R3HDM2: variants seen among roughly 807,000 people sequenced by gnomAD.
R3HDM2 encodes the protein R3H domain containing 2, also known as R3H domain-containing protein 2.
A neutral mutation model predicts 124.5 loss-of-function variants in R3HDM2; 38 were observed. The observed-to-expected ratio is 0.31, with a 90% CI of 0.24 to 0.40. The LOEUF is 0.40. Among genes scored for constraint, R3HDM2 ranks in the 10% least tolerant of loss-of-function variants. R3HDM2 has a pLI of 1.00. For synonymous variants in R3HDM2, 391 were observed against 448.0 expected, an observed-to-expected ratio of 0.87 and a Z score of 1.61; for missense variants, 869 against 1,236.9, an observed-to-expected ratio of 0.70 and a Z score of 4.46.
In R3HDM2 at chr12:57,356,879, G is replaced by A. The variant is rs141795044; in HGVS notation, c.-36+38870C>T. 2.1e-3 allele frequency among the ~76,000 whole-genome samples: 323 copies of A among 150,724 alleles called. 9 individuals carry two copies. The East Asian group carries it at 0.051, about 24-fold the overall frequency. On this transcript the variant is annotated intron_variant, in intron 2 of 23. Coordinates refer to ENST00000402412, the MANE Select transcript of R3HDM2 (RefSeq NM_001394031.1). ...TAATCCGGCTTTGGGAGGCCGAGGC[G>A]GGCGAATCGCGAGGTCAGGAAATCG...
intron 2 of R3HDM2, among the ~76,000 whole-genome samples, chr12:57,344,684 A>AT (rs1171917242): frequency 6.6e-6 from 1 of 152,246 alleles, no homozygotes; most frequent in Non-Finnish European, 1.5e-5. Context: ...CAACCAGAAC[A>AT]TAAAAACTCA....
intron 2 of R3HDM2, among the ~76,000 whole-genome samples, chr12:57,351,176 A>G (rs1262890277): frequency 6.6e-6 from 1 of 152,150 alleles, no homozygotes; most frequent in Non-Finnish European, 1.5e-5. Context: ...CTGACGTGGA[A>G]GGACTGCTTG....
At chr12:57,323,369 T>A (rs1393574425) in intron 2 of R3HDM2, among the ~76,000 whole-genome samples, 1 of 152,110 alleles carries the variant, frequency 6.6e-6, no homozygotes, top group African/African-American at 2.4e-5. Context: ...GGGAATAGAG[T>A]GTAAAGTACT....
chr12:57,284,779 C>G (rs2138087425), intron 12 of R3HDM2, among the ~76,000 whole-genome samples: 1 of 152,306 alleles, frequency 6.6e-6, no homozygotes, highest in South Asian at 2.1e-4. Flanking sequence ...TTGACTGTGC[C>G]TAGTTGCCTT....
intron 2 of R3HDM2, among the ~76,000 whole-genome samples, chr12:57,354,268 T>C (rs932261830): frequency 6.6e-6 from 1 of 152,036 alleles, no homozygotes; most frequent in African/African-American, 2.4e-5. Flanking sequence ...ACATTTGGTA[T>C]GGCCAGACTT....
chr12:57,398,050 T>C (rs7974833), intron 1 of R3HDM2, among the ~76,000 whole-genome samples: 30,773 of 147,056 alleles, frequency 0.21, 3,401 homozygotes, highest in Admixed American at 0.29. Context: ...GGCATGGTGG[T>C]GGGCACCTGT....
chr12:57,319,356 C>T (rs761134171), intron 2 of R3HDM2, among the ~76,000 whole-genome samples: 8 of 152,050 alleles, frequency 5.3e-5, no homozygotes, highest in Non-Finnish European at 1.2e-4. Flanking sequence ...TTTTCTACAA[C>T]CGTAGTCTTC....
chr12:57,383,924 ATTATG>A (rs1383355260), intron 2 of R3HDM2, among the ~76,000 whole-genome samples: 3 of 152,134 alleles, frequency 2.0e-5, no homozygotes, highest in Non-Finnish European at 4.4e-5. Context: ...TAAAAACTGT[ATTATG>A]TTAAGGGCTA....
intron 1 of R3HDM2, among the ~76,000 whole-genome samples, chr12:57,398,215 AAAAG>A (rs1234140978): frequency 6.6e-6 from 1 of 151,990 alleles, no homozygotes; most frequent in Non-Finnish European, 1.5e-5. Flanking sequence ...CAAAAAAAAA[AAAAG>A]AAAAAGAAAA....
At chr12:57,293,275 G>A (rs368670498) in intron 10 of R3HDM2, among the ~76,000 whole-genome samples, 1 of 152,066 alleles carries the variant, frequency 6.6e-6, no homozygotes, top group Non-Finnish European at 1.5e-5. Flanking sequence ...TTAACTGGAG[G>A]TGGGGAAGGG....
intron 2 of R3HDM2, among the ~76,000 whole-genome samples, chr12:57,319,441 C>T (rs73121803): frequency 0.026 from 3,943 of 152,116 alleles, 69 homozygotes; most frequent in Non-Finnish European, 0.038. Flanking sequence ...AAGGGAAAGT[C>T]TTCACCTCCA....
chr12:57,360,028 C>T (rs527850252), intron 2 of R3HDM2, among the ~76,000 whole-genome samples: 24,301 of 92,148 alleles, frequency 0.26, 3,146 homozygotes, highest in South Asian at 0.48. Context: ...TATATACACA[C>T]ATATATATAT....
chr12:57,415,293 G>C (rs977316555), intron 1 of R3HDM2: 2 of 152,146 alleles, frequency 1.3e-5, no homozygotes, highest in Non-Finnish European at 2.9e-5. Flanking sequence ...CAAAGCACCA[G>C]TGGTGCTCGC....
chr12:57,289,822 T>G (rs1172473086), intron 11 of R3HDM2, among the ~76,000 whole-genome samples: 4 of 152,196 alleles, frequency 2.6e-5, no homozygotes, highest in African/African-American at 9.6e-5. Context: ...ACACCCTTCT[T>G]GCCACTTCCT....
intron 14 of R3HDM2, chr12:57,272,662 G>T: frequency 4.1e-6 from 2 of 489,384 alleles, no homozygotes; most frequent in African/African-American, 2.0e-5. Context: ...GGAAAGGGAA[G>T]GAACAATAAG....
rs934807173 is a variant in R3HDM2 at position 57,352,300 on chromosome 12, T to C, written c.-35-41837A>G. On this transcript the variant is annotated intron_variant, in intron 2 of 23. Transcript: ENST00000402412. ...AAAGAGATCTTTAATGAAAAACTTA[T>C]GAAATGTTATTGAAGGGTATAAATA... Among the ~76,000 whole-genome samples, 34 of 147,374 alleles carry C rather than the reference T, an allele frequency of 2.3e-4. 1 individual carries two copies. The highest frequency in any genetic ancestry group is 8.2e-4 in the African/African-American group (33 of 40,148).
intron 2 of R3HDM2, among the ~76,000 whole-genome samples, chr12:57,378,273 G>T (rs1307137048): frequency 1.3e-5 from 2 of 152,048 alleles, no homozygotes; most frequent in African/African-American, 4.8e-5. Flanking sequence ...ACATGAAAGG[G>T]CAAAAAAGTA....
At chr12:57,400,559 G>A (rs2067958675) in intron 1 of R3HDM2, among the ~76,000 whole-genome samples, 1 of 151,858 alleles carries the variant, frequency 6.6e-6, no homozygotes, top group Non-Finnish European at 1.5e-5. Flanking sequence ...TTGTGCACAT[G>A]TACCCTAGAA....
intron 1 of R3HDM2, among the ~76,000 whole-genome samples, chr12:57,422,051 C>T (rs2070261424): frequency 6.9e-6 from 1 of 145,562 alleles, no homozygotes. Context: ...CGAAATGTGC[C>T]ACTGCACTCC....
Sources: allele counts gnomAD v4.1 joint callset (sites outside exome capture counted in the v4.1 genomes callset), GRCh38; gene constraint gnomAD v4.1.1; transcripts MANE v1.5; gene names NCBI Gene and HGNC (gene_info 2026-07-23, HGNC 2026-07-21).